Variants in AKAP6 observed in about 807,000 individuals in gnomAD.
The protein encoded by AKAP6 is A-kinase anchor protein 6.
AKAP6 carries 58 observed loss-of-function variants against 188.5 expected under a neutral mutation model. The ratio of observed to expected loss-of-function variants is 0.31; its 90% CI spans 0.25 to 0.38. The LOEUF is 0.38. AKAP6 is among the 10% of genes least tolerant of loss of function. AKAP6 has a pLI of 1.00. For missense variants in AKAP6, 2,710 were observed against 2,740.0 expected (o/e 0.99, Z 0.24); for synonymous variants, 989 against 998.6 (o/e 0.99, Z 0.18).
chr14:32,617,974 G>A (rs1025395518), intron 7 of AKAP6, among the ~76,000 whole-genome samples: 1 of 151,640 alleles, frequency 6.6e-6, no homozygotes, highest in Non-Finnish European at 1.5e-5. Flanking sequence ...TTCCTTTTTT[G>A]TGAGTTGATT....
At chr14:32,347,602 G>A (rs1258666192) in intron 1 of AKAP6, among the ~76,000 whole-genome samples, 2 of 152,218 alleles carry the variant, frequency 1.3e-5, no homozygotes, top group Non-Finnish European at 1.5e-5. Flanking sequence ...TGAAGCTTAT[G>A]ATCTATGATT....
chr14:32,362,707 C>T (rs1290101378), intron 1 of AKAP6, among the ~76,000 whole-genome samples: 2 of 152,122 alleles, frequency 1.3e-5, no homozygotes, highest in African/African-American at 4.8e-5. Context: ...GGAGGTAGGA[C>T]ATGGGACTGG....
chr14:32,467,356 A>G (rs1463706542), intron 2 of AKAP6, among the ~76,000 whole-genome samples: 1 of 152,170 alleles, frequency 6.6e-6, no homozygotes, highest in East Asian at 1.9e-4. Flanking sequence ...ACAAGATTGG[A>G]CAACAGTTAA....
At position 32,528,184 on chromosome 14, in the gene AKAP6, C is replaced by A. The variant is rs116861498; in HGVS notation, c.325-7370C>A. On this transcript the variant is annotated intron_variant, in intron 2 of 13. Coordinates refer to ENST00000280979, the MANE Select transcript of AKAP6 (RefSeq NM_004274.5). ...ATTATTATTACTTGCTAGTAGATGT[C>A]CAATTCCAGCACCATTTGTTGAGAA... 4.8e-3 allele frequency among the ~76,000 whole-genome samples: 736 copies of A among 152,230 alleles called. 5 individuals are homozygous for A. Among genetic ancestry groups the A allele is most frequent in the East Asian group, 0.013 (68 of 5,186 alleles).
intron 13 of AKAP6, among the ~76,000 whole-genome samples, chr14:32,828,519 TCTCTCTCTCTCACACACACACACACACA>T (rs1180831541): frequency 2.5e-3 from 87 of 34,268 alleles, no homozygotes; most frequent in African/African-American, 5.2e-3. Flanking sequence ...TCTCTCTCTC[TCTCTCTCTCTCACACACACACACACACA>T]CACACACACA....
chr14:32,343,746 CAAAAAAAAAAAAAAA>C (rs56376110), intron 1 of AKAP6, among the ~76,000 whole-genome samples: 1 of 37,266 alleles, frequency 2.7e-5, no homozygotes, highest in Non-Finnish European at 4.8e-5. Flanking sequence ...GATTCCGTCT[CAAAAAAAAAAAAAAA>C]AAAAAAAAAA....
At chr14:32,401,019 A>G (rs911861499) in intron 1 of AKAP6, among the ~76,000 whole-genome samples, 1 of 152,152 alleles carries the variant, frequency 6.6e-6, no homozygotes, top group African/African-American at 2.4e-5. Context: ...GTTTACCTCA[A>G]TCTTGAGAAA....
intron 7 of AKAP6, among the ~76,000 whole-genome samples, chr14:32,615,770 T>C (rs563494004): frequency 1.6e-4 from 25 of 152,126 alleles, no homozygotes; most frequent in African/African-American, 5.5e-4. Flanking sequence ...TAATTTTTTG[T>C]ATTTTTAGAG....
chr14:32,616,981 A>G (rs1488316991), intron 7 of AKAP6: 1 of 152,094 alleles, frequency 6.6e-6, no homozygotes, highest in Non-Finnish European at 1.5e-5. Context: ...AGCCCTCCCT[A>G]TCTCTGACCT....
intron 7 of AKAP6, among the ~76,000 whole-genome samples, chr14:32,648,778 A>T (rs1395653478): frequency 6.6e-6 from 1 of 152,182 alleles, no homozygotes; most frequent in African/African-American, 2.4e-5. Flanking sequence ...TCATAAGCAT[A>T]TGTGGCCTAA....
chr14:32,607,252 G>A (rs955714920), intron 7 of AKAP6, among the ~76,000 whole-genome samples: 1 of 152,206 alleles, frequency 6.6e-6, no homozygotes, highest in Non-Finnish European at 1.5e-5. Context: ...AGAAGCTTAT[G>A]TAGTTAGCAT....
intron 12 of AKAP6, among the ~76,000 whole-genome samples, chr14:32,786,862 A>G (rs1180622964): frequency 6.6e-6 from 1 of 152,112 alleles, no homozygotes; most frequent in African/African-American, 2.4e-5. Context: ...TTGTGAATTT[A>G]GGGTTTTAAG....
chr14:32,548,176 A>C (rs1442594116), intron 4 of AKAP6, among the ~76,000 whole-genome samples: 1 of 141,600 alleles, frequency 7.1e-6, no homozygotes, highest in Non-Finnish European at 1.5e-5. Flanking sequence ...ATCTCAGCTC[A>C]CTTCAACCTC....
chr14:32,537,471 G>A (rs1882734854), intron 3 of AKAP6, among the ~76,000 whole-genome samples: 1 of 152,156 alleles, frequency 6.6e-6, no homozygotes, highest in Non-Finnish European at 1.5e-5. Flanking sequence ...TGTGCTAATG[G>A]AGATCAGAGA....
At chr14:32,693,516 T>A (rs79860613) in intron 8 of AKAP6, 8,389 of 152,254 alleles carry the variant, frequency 0.055, 314 homozygotes, top group Middle Eastern at 0.11. Flanking sequence ...CAGGTTATTG[T>A]GGGGACAATA....
intron 11 of AKAP6, among the ~76,000 whole-genome samples, chr14:32,767,158 G>A (rs1019642410): frequency 6.6e-6 from 1 of 152,080 alleles, no homozygotes; most frequent in East Asian, 1.9e-4. Context: ...ATAATTAACT[G>A]TAAAAGAAGT....
At chr14:32,828,504 C>G (rs1194711411) in intron 13 of AKAP6, among the ~76,000 whole-genome samples, 2 of 124,262 alleles carry the variant, frequency 1.6e-5, no homozygotes, top group Non-Finnish European at 3.3e-5. Flanking sequence ...CACCTATCAT[C>G]TATCTCTCTC....
Position 32,565,097 on chromosome 14 carries a change from C to T in AKAP6, c.2347-12023C>T, listed in dbSNP as rs561575677. On this transcript the variant is annotated intron_variant, in intron 4 of 13. Coordinates refer to ENST00000280979, the MANE Select transcript of AKAP6 (RefSeq NM_004274.5). ...ATGACACAGGTGGATCTTCCCTTTA[C>T]GTACTGTTCCTAGGCTATCTCATCT... Among the ~76,000 whole-genome samples the T allele has an allele frequency of 8.7e-4, 133 of 152,220 alleles. 5 individuals carry two copies. Among genetic ancestry groups the T allele is most frequent in the Admixed American group, 7.9e-3 (121 of 15,282 alleles).
intron 9 of AKAP6, among the ~76,000 whole-genome samples, chr14:32,714,005 C>T (rs2030039931): frequency 2.0e-5 from 3 of 152,004 alleles, no homozygotes; most frequent in Non-Finnish European, 4.4e-5. Context: ...TTTAGAGTGA[C>T]TCTTTCTTTC....
Sources: gnomAD v4.1 joint callset for allele counts (sites outside exome capture counted in the v4.1 genomes callset) on GRCh38, gnomAD v4.1.1 for gene constraint, MANE v1.5 for transcripts, NCBI Gene and HGNC (gene_info 2026-07-23, HGNC 2026-07-21) for gene names.